OR3A2: variants seen among roughly 807,000 people sequenced by gnomAD.
OR3A2 encodes olfactory receptor family 3 subfamily A member 2.
For synonymous variants in OR3A2, 126 were observed against 159.3 expected, an observed-to-expected ratio of 0.79 and a Z score of 1.57; for missense variants, 318 against 392.8, an observed-to-expected ratio of 0.81 and a Z score of 1.61.
At chr17:3,333,770 A>G (rs2049257722) in intron 3 of OR3A2, among the ~76,000 whole-genome samples, 1 of 152,204 alleles carries the variant, frequency 6.6e-6, no homozygotes, top group South Asian at 2.1e-4. Context: ...CAATTAAACT[A>G]AAGAGCTTCT....
In OR3A2 at chr17:3,363,466, A is replaced by G. The variant is rs549273774; in HGVS notation, c.-179+20338T>C. ...TCAATAAGTTCCTCATCACCATATG[A>G]GACCACCTCAGCCTGGACTTCACTG... On this transcript the variant is annotated intron_variant, in intron 2 of 4. Coordinates refer to the OR3A2 transcript ENST00000573491. Among the ~76,000 whole-genome samples the G allele has an allele frequency of 1.5e-4, 23 of 151,854 alleles. 1 individual carries two copies. Among genetic ancestry groups the G allele is most frequent in the African/African-American group, 5.3e-4 (22 of 41,134 alleles).
intron 2 of OR3A2, among the ~76,000 whole-genome samples, chr17:3,349,161 G>A (rs1475182214): frequency 6.6e-6 from 1 of 151,888 alleles, no homozygotes; most frequent in African/African-American, 2.4e-5. Context: ...ATAATGACAA[G>A]ATCAAATTCA....
chr17:3,368,608 A>G (rs1193211987), intron 2 of OR3A2, among the ~76,000 whole-genome samples: 2 of 152,240 alleles, frequency 1.3e-5, no homozygotes, highest in East Asian at 3.9e-4. Context: ...CTGTTTTTAT[A>G]TCAGTACCAT....
At chr17:3,321,520 C>A (rs1021941968) in intron 3 of OR3A2, among the ~76,000 whole-genome samples, 67 of 152,084 alleles carry the variant, frequency 4.4e-4, no homozygotes, top group African/African-American at 1.6e-3. Flanking sequence ...GTGGGTTTGT[C>A]ATAGATAGCT....
intron 3 of OR3A2, among the ~76,000 whole-genome samples, chr17:3,319,407 G>C (rs1403641989): frequency 6.6e-6 from 1 of 151,258 alleles, no homozygotes; most frequent in Admixed American, 6.6e-5. Flanking sequence ...TTAAGTTTTA[G>C]GGTACATGTG....
intron 3 of OR3A2, among the ~76,000 whole-genome samples, chr17:3,334,767 T>C (rs1169496974): frequency 6.6e-6 from 1 of 152,204 alleles, no homozygotes; most frequent in African/African-American, 2.4e-5. Context: ...TATCCATTTA[T>C]TCAAGTGTTA....
exon 2 of OR3A2, chr17:3,278,180 G>A (rs747958727): frequency 1.2e-6 from 2 of 1,614,106 alleles, no homozygotes; most frequent in East Asian, 2.2e-5. Flanking sequence ...CGGTGAGGTG[G>A]GAGCCACACG....
At chr17:3,293,184 C>T (rs1248098028) in intron 3 of OR3A2, among the ~76,000 whole-genome samples, 1 of 148,768 alleles carries the variant, frequency 6.7e-6, no homozygotes, top group Admixed American at 6.7e-5. Context: ...TAGGGGGAGG[C>T]AATCAACAAA....
chr17:3,358,285 G>A (rs928330177), intron 2 of OR3A2, among the ~76,000 whole-genome samples: 8 of 151,868 alleles, frequency 5.3e-5, no homozygotes, highest in Non-Finnish European at 1.0e-4. Context: ...CCTCAGTTCA[G>A]TTCTGATTTT....
At chr17:3,324,405 A>G (rs9890794) in intron 3 of OR3A2, among the ~76,000 whole-genome samples, 22,784 of 152,050 alleles carry the variant, frequency 0.15, 2,335 homozygotes, top group African/African-American at 0.28. Flanking sequence ...CTGGTGAGGA[A>G]CTGCATTCCT....
intron 2 of OR3A2, among the ~76,000 whole-genome samples, chr17:3,371,293 G>A (rs1408674189): frequency 1.3e-5 from 2 of 151,454 alleles, no homozygotes; most frequent in Non-Finnish European, 3.0e-5. Flanking sequence ...CCGGGCAGAG[G>A]GGCTCCTCAC....
intron 2 of OR3A2, among the ~76,000 whole-genome samples, chr17:3,367,266 A>G (rs12603746): frequency 0.24 from 36,084 of 151,934 alleles, 5,021 homozygotes; most frequent in East Asian, 0.52. Context: ...TGGTTACATG[A>G]AGAAGTTATT....
intron 3 of OR3A2, among the ~76,000 whole-genome samples, chr17:3,296,954 G>A (rs2048923627): frequency 6.6e-6 from 1 of 152,182 alleles, no homozygotes; most frequent in African/African-American, 2.4e-5. Flanking sequence ...TTATGGAAGG[G>A]GCATAACATC....
At chr17:3,368,807 ATTTGTAGATTGC>A (rs1171324704) in intron 2 of OR3A2, among the ~76,000 whole-genome samples, 4 of 152,064 alleles carry the variant, frequency 2.6e-5, no homozygotes, top group Non-Finnish European at 5.9e-5. Flanking sequence ...ATTGCAATGA[ATTTGTAGATTGC>A]TTTTAGTGGT....
At chr17:3,352,287 G>T (rs1422727511) in intron 2 of OR3A2, among the ~76,000 whole-genome samples, 3 of 151,750 alleles carry the variant, frequency 2.0e-5, no homozygotes, top group Non-Finnish European at 4.4e-5. Context: ...TTTTGCTTTG[G>T]TTGCCTCTGC....
intron 2 of OR3A2, among the ~76,000 whole-genome samples, chr17:3,355,604 G>A (rs932042679): frequency 6.6e-6 from 1 of 151,068 alleles, no homozygotes; most frequent in Non-Finnish European, 1.5e-5. Flanking sequence ...TTTTTGTCTG[G>A]ACATCTATTT....
chr17:3,306,068 A>G lies in OR3A2; in HGVS notation c.-84-26915T>C, dbSNP rs139395512. Among the ~76,000 whole-genome samples, 8 of 152,344 alleles carry G rather than the reference A, an allele frequency of 5.3e-5. No homozygotes were observed. In the South Asian group the frequency reaches 1.2e-3, roughly 24 times the overall value. ...GCGGAACAAGCAGCTCTGGATACTCAAGAAGGTGGTTCAGCAGCTCAGTGG... is the reference window on the plus strand; with the variant it reads ...GCGGAACAAGCAGCTCTGGATACTCGAGAAGGTGGTTCAGCAGCTCAGTGG... On this transcript the variant is annotated intron_variant, in intron 3 of 4. Transcript: ENST00000573491.
At chr17:3,313,963 T>C (rs1262387759) in intron 3 of OR3A2, among the ~76,000 whole-genome samples, 1 of 152,216 alleles carries the variant, frequency 6.6e-6, no homozygotes, top group African/African-American at 2.4e-5. Flanking sequence ...GTTTTCAAAA[T>C]ATCCTCAAGG....
chr17:3,306,686 A>AAAAAAAAC (rs1157703201), intron 3 of OR3A2, among the ~76,000 whole-genome samples: 3 of 149,076 alleles, frequency 2.0e-5, no homozygotes, highest in Admixed American at 2.0e-4. Flanking sequence ...CTTCAAAAAA[A>AAAAAAAAC]AAAAAAAAAC....
Sources: gnomAD v4.1 joint callset for allele counts (sites outside exome capture counted in the v4.1 genomes callset) on GRCh38, gnomAD v4.1.1 for gene constraint, MANE v1.5 for transcripts, NCBI Gene and HGNC (gene_info 2026-07-23, HGNC 2026-07-21) for gene names.